DGKB: variants seen among roughly 807,000 people sequenced by gnomAD.
DGKB encodes 90 kDa diacylglycerol kinase.
In DGKB, 67 loss-of-function variants were observed where a neutral mutation model predicts 114.3. The observed-to-expected ratio is 0.59, with a 90% CI of 0.48 to 0.72. DGKB has a LOEUF of 0.72. DGKB is among the 30% of genes least tolerant of loss of function. The pLI is 0.00. For missense variants in DGKB, 907 were observed against 975.2 expected (o/e 0.93, Z 0.93); for synonymous variants, 398 against 323.1 (o/e 1.23, Z -2.49).
intron 20 of DGKB, among the ~76,000 whole-genome samples, chr7:14,555,600 G>A (rs569375061): frequency 2.0e-5 from 3 of 152,120 alleles, no homozygotes; most frequent in Non-Finnish European, 1.5e-5. Flanking sequence ...TCTAGAATAG[G>A]AGTAAGGTAA....
chr7:14,406,383 G>A (rs1344386339), intron 21 of DGKB, among the ~76,000 whole-genome samples: 1 of 151,982 alleles, frequency 6.6e-6, no homozygotes, highest in Non-Finnish European at 1.5e-5. Flanking sequence ...ACTATGCAGG[G>A]AAAGAGGATG....
At chr7:14,194,019 C>G (rs189642524) in intron 23 of DGKB, among the ~76,000 whole-genome samples, 108 of 152,176 alleles carry the variant, frequency 7.1e-4, no homozygotes, top group African/African-American at 2.5e-3. Context: ...TCCAATTAGA[C>G]TGGTGGTTAT....
chr7:14,892,963 TATATACATAC>T (rs1781513048), intron 1 of DGKB, among the ~76,000 whole-genome samples: 1 of 149,158 alleles, frequency 6.7e-6, no homozygotes, highest in Non-Finnish European at 1.5e-5. Flanking sequence ...TGTGTGTGTA[TATATACATAC>T]ATATATAGAT....
intron 23 of DGKB, among the ~76,000 whole-genome samples, chr7:14,309,813 G>T (rs536851786): frequency 6.6e-6 from 1 of 152,170 alleles, no homozygotes; most frequent in African/African-American, 2.4e-5. Flanking sequence ...ATTTCTAAGA[G>T]AGAAGAAGGG....
At chr7:14,494,179 A>G (rs1240780006) in intron 20 of DGKB, among the ~76,000 whole-genome samples, 4 of 152,060 alleles carry the variant, frequency 2.6e-5, no homozygotes, top group Non-Finnish European at 5.9e-5. Context: ...AGGAAAGTAC[A>G]TAATCAAAAT....
intron 1 of DGKB, among the ~76,000 whole-genome samples, chr7:14,901,947 CAAGA>C (rs1298483542): frequency 6.6e-6 from 1 of 152,000 alleles, no homozygotes; most frequent in Non-Finnish European, 1.5e-5. Context: ...TTTAAAATCA[CAAGA>C]AAGAGACTGT....
At chr7:14,973,527 GTTTT>G (rs11300261) in intron 1 of DGKB, among the ~76,000 whole-genome samples, 1 of 137,304 alleles carries the variant, frequency 7.3e-6, no homozygotes, top group African/African-American at 2.7e-5. Context: ...TTGTTTTTTT[GTTTT>G]TTTTTTCTTT....
rs1009469981 is a variant in DGKB at position 14,893,953 on chromosome 7, G to GT, written c.-188+8638dup. On this transcript the variant is annotated intron_variant, in intron 1 of 25. Coordinates refer to ENST00000402815, the MANE Select transcript of DGKB (RefSeq NM_001350709.2). ...TGTCAAAATCGGGTTCTGTTCATAAGTTTTTTTTTCCAGAACCTACTACTC... is the reference window on the plus strand; with the variant it reads ...TGTCAAAATCGGGTTCTGTTCATAAGTTTTTTTTTTCCAGAACCTACTACTC... 7.3e-4 allele frequency among the ~76,000 whole-genome samples: 110 copies of GT among 150,508 alleles called. 1 individual carries two copies. In the East Asian group the frequency reaches 0.015, roughly 21 times the overall value.
intron 1 of DGKB, among the ~76,000 whole-genome samples, chr7:14,855,263 G>C (rs755874653): frequency 1.3e-5 from 2 of 152,178 alleles, no homozygotes; most frequent in Admixed American, 1.3e-4. Flanking sequence ...AATCCAGGGA[G>C]AGCCTAAATC....
chr7:14,484,033 G>GT (rs200501740), intron 20 of DGKB, among the ~76,000 whole-genome samples: 11,907 of 141,022 alleles, frequency 0.084, 813 homozygotes, highest in African/African-American at 0.2. Context: ...TTCATGTAGG[G>GT]TTTTTTTTTT....
intron 14 of DGKB, among the ~76,000 whole-genome samples, chr7:14,626,103 A>T (rs553729691): frequency 6.6e-6 from 1 of 152,204 alleles, no homozygotes; most frequent in African/African-American, 2.4e-5. Context: ...CTAAAAAAAA[A>T]ATCTTTGTCT....
intron 17 of DGKB, among the ~76,000 whole-genome samples, chr7:14,590,735 A>ATTT (rs1420121317): frequency 6.6e-6 from 1 of 152,162 alleles, no homozygotes; most frequent in Non-Finnish European, 1.5e-5. Context: ...TTAGAATAGA[A>ATTT]TTAACACCAC....
chr7:14,317,641 C>A (rs1263533942), intron 23 of DGKB, among the ~76,000 whole-genome samples: 2 of 119,890 alleles, frequency 1.7e-5, no homozygotes, highest in Non-Finnish European at 3.5e-5. Context: ...AAAGAGGATA[C>A]ACACAAATGG....
In DGKB at chr7:14,962,081, T is replaced by TA. The variant is rs1273967320; in HGVS notation, c.-188+12614dup. Among the ~76,000 whole-genome samples the TA allele has an allele frequency of 5.3e-5, 8 of 152,270 alleles. No individual in the cohort carries two copies. In the South Asian group the frequency reaches 6.2e-4, roughly 12 times the overall value. On this transcript the variant is annotated intron_variant, in intron 1 of 4. Coordinates refer to the DGKB transcript ENST00000437998. ...CCATAAAACCGTTTGTCTAAAACTTTAAAAAAATTGTAACTTTGAATAGTA... is the reference window on the plus strand; with the variant it reads ...CCATAAAACCGTTTGTCTAAAACTTTAAAAAAAATTGTAACTTTGAATAGTA...
upstream of DGKB, among the ~76,000 whole-genome samples, chr7:14,905,765 C>T (rs541453540): frequency 1.4e-4 from 22 of 152,242 alleles, no homozygotes; most frequent in South Asian, 2.1e-3. Context: ...TTCATTCATG[C>T]GTCTCTAGCA....
intron 13 of DGKB, among the ~76,000 whole-genome samples, chr7:14,662,111 C>T (rs770877478): frequency 2.6e-5 from 4 of 151,836 alleles, no homozygotes; most frequent in Non-Finnish European, 4.4e-5. Flanking sequence ...TGCTAGATGA[C>T]GAGTTAGTGG....
intron 13 of DGKB, among the ~76,000 whole-genome samples, chr7:14,634,538 G>T (rs1172965242): frequency 6.8e-6 from 1 of 147,924 alleles, no homozygotes; most frequent in Non-Finnish European, 1.5e-5. Flanking sequence ...TGAAAAACTG[G>T]CTTGAATAAT....
At chr7:14,922,306 C>T (rs1464925744) in intron 1 of DGKB, among the ~76,000 whole-genome samples, 1 of 151,764 alleles carries the variant, frequency 6.6e-6, no homozygotes, top group East Asian at 1.9e-4. Flanking sequence ...TACGTCTATA[C>T]TCCCACTGTC....
intron 16 of DGKB, among the ~76,000 whole-genome samples, chr7:14,608,507 A>G (rs1220841322): frequency 2.0e-5 from 3 of 152,020 alleles, no homozygotes. Flanking sequence ...AAGCTGGAAG[A>G]ATTCCCCTTC....
Sources: gnomAD v4.1 joint callset for allele counts (sites outside exome capture counted in the v4.1 genomes callset) on GRCh38, gnomAD v4.1.1 for gene constraint, MANE v1.5 for transcripts, NCBI Gene and HGNC (gene_info 2026-07-23, HGNC 2026-07-21) for gene names.